SLC2A14: variants seen among roughly 807,000 people sequenced by gnomAD.
SLC2A14 encodes the protein solute carrier family 2 member 14.
A neutral mutation model predicts 43.0 loss-of-function variants in SLC2A14; 13 were observed. The observed-to-expected ratio is 0.30, with a 90% CI of 0.20 to 0.48. SLC2A14 has a LOEUF of 0.48. SLC2A14 is among the 20% of genes least tolerant of loss of function. The pLI is 0.99. For missense variants in SLC2A14, 428 were observed against 620.4 expected (o/e 0.69, Z 3.29); for synonymous variants, 190 against 233.8 (o/e 0.81, Z 1.71).
At chr12:7,831,895 G>T in intron 3 of SLC2A14, 131 bp from the exon 4 acceptor site, 2 of 1,137,042 alleles carry the variant, frequency 1.8e-6, no homozygotes, top group East Asian at 2.5e-5. Flanking sequence ...GATCACCTGA[G>T]GTCAGGAGTT....
At chr12:7,840,419 G>T (rs1028547861) in intron 2 of SLC2A14, among the ~76,000 whole-genome samples, 2 of 151,874 alleles carry the variant, frequency 1.3e-5, no homozygotes, top group African/African-American at 2.4e-5. Context: ...CGCTCTTGTC[G>T]CCTAGTCTGG....
At chr12:7,846,377 C>A (rs1201894266) in intron 2 of SLC2A14, among the ~76,000 whole-genome samples, 4 of 151,728 alleles carry the variant, frequency 2.6e-5, no homozygotes, top group Admixed American at 6.6e-5. Context: ...CAACCCTTCC[C>A]TACATGAAAC....
intron 7 of SLC2A14, among the ~76,000 whole-genome samples, chr12:7,822,761 T>G (rs1027718175): frequency 1.3e-5 from 2 of 152,090 alleles, no homozygotes; most frequent in African/African-American, 4.8e-5. Context: ...AGGCTGGTCC[T>G]AAACTCTTGG....
At chr12:7,816,777 G>A (rs1437556629) in intron 10 of SLC2A14, among the ~76,000 whole-genome samples, 1 of 151,524 alleles carries the variant, frequency 6.6e-6, no homozygotes, top group Non-Finnish European at 1.5e-5. Context: ...GCAAGATCTT[G>A]GCTCACCACG....
At chr12:7,849,773 G>A (rs11056105) in intron 2 of SLC2A14, among the ~76,000 whole-genome samples, 54,333 of 150,664 alleles carry the variant, frequency 0.36, 10,174 homozygotes, top group Admixed American at 0.51. Context: ...TGTGGCGGCG[G>A]GCACCTGTAG....
intron 7 of SLC2A14, among the ~76,000 whole-genome samples, chr12:7,827,003 TTCTCTCTC>T (rs1210811349): frequency 1.4e-5 from 2 of 139,958 alleles, no homozygotes; most frequent in Non-Finnish European, 3.1e-5. Flanking sequence ...TTTCTCTCCT[TTCTCTCTC>T]TCTCTTTCTC....
In SLC2A14 at chr12:7,821,253, C is replaced by G. The variant is rs778907274; in HGVS notation, c.937G>C (p.Gly313Arg). The change falls in exon 8 of 11, where the codon GGT becomes CGT. Residue 313 changes from glycine to arginine, a missense_variant. Around this residue, in one of 4 missense-constraint regions of SLC2A14, gnomAD observed 185 missense variants for 275.4 expected, o/e 0.67. Coordinates refer to ENST00000431042, the MANE Select transcript of SLC2A14 (RefSeq NM_001286234.2). The part of the protein sequence containing the change: ...QQPIYATISA[G>R]VVNTIFTLLS... ...AAAGTGAAGATAGTATTAACCACAC[C>G]CGCGCTGATGGTGGCATAGATGGGC... is the stretch of plus-strand genomic sequence containing the variant. 1 of 1,613,890 alleles carries G rather than the reference C, an allele frequency of 6.2e-7. No homozygotes were observed. The highest frequency in any genetic ancestry group is 1.3e-5 in the African/African-American group (1 of 74,996).
intron 10 of SLC2A14, 84 bp downstream of exon 10, chr12:7,817,747 T>C: frequency 9.5e-7 from 1 of 1,052,400 alleles, no homozygotes; most frequent in Non-Finnish European, 1.3e-6. Context: ...AAAATATATA[T>C]ATATATAGAT....
chr12:7,819,334 T>A, intron 9 of SLC2A14, 148 bp downstream of exon 9: 1 of 1,364,870 alleles, frequency 7.3e-7, no homozygotes, highest in Non-Finnish European at 1.0e-6. Flanking sequence ...TGATGACCCA[T>A]GTTTCTTAAA....
upstream of SLC2A14, chr12:7,873,606 C>G (rs1168326392): frequency 2.0e-5 from 3 of 152,518 alleles, no homozygotes; most frequent in African/African-American, 7.2e-5. Flanking sequence ...CGCCATTGCA[C>G]TCCAGCCTGG....
At chr12:7,878,586 G>C (rs1945504969) in intron 1 of SLC2A14, among the ~76,000 whole-genome samples, 1 of 151,944 alleles carries the variant, frequency 6.6e-6, no homozygotes, top group African/African-American at 2.4e-5. Flanking sequence ...GATGGTTAAA[G>C]TATATACTGT....
rs141868414 is a variant in SLC2A14, at chr12:7,834,886, C to T, written c.19-2072G>A. Among the ~76,000 whole-genome samples, 509 of 152,140 alleles carry T rather than the reference C, an allele frequency of 3.3e-3. 3 individuals are homozygous for T. The highest frequency in any genetic ancestry group is 0.012 in the African/African-American group (480 of 41,502). ...CACCCTGGCCACTAGAGAAGAGTTG[C>T]TCAATATAACTGTTTGTTGATGTGC... On this transcript the variant is annotated intron_variant, in intron 2 of 10. Coordinates refer to ENST00000431042, the MANE Select transcript of SLC2A14 (RefSeq NM_001286234.2).
In SLC2A14 at chr12:7,831,714, A is replaced by G. The variant is rs763682732; in HGVS notation, c.162T>C (p.Pro54=). The change falls in exon 4 of 11, where the codon CCT becomes CCC. Residue 54 remains proline, a synonymous_variant. Coordinates refer to ENST00000431042, the MANE Select transcript of SLC2A14 (RefSeq NM_001286234.2). ...GATTCGTGAGCAGCACCTCAGAGGG[A>G]GGGGCATTTGCCTTGTCCGTCAAAG... ...NKTLTDKANA[P]PSEVLLTNLW... is the part of the protein sequence containing the mutation. The G allele has an allele frequency of 1.9e-6, 3 of 1,614,240 alleles. No homozygotes were observed. In the African/African-American group the frequency reaches 4.0e-5, roughly 22 times the overall value.
Position 7,843,091 on chromosome 12 carries a change from A to G in SLC2A14, c.19-10277T>C, listed in dbSNP as rs1353555268. On this transcript the variant is annotated intron_variant, in intron 2 of 10. Transcript: ENST00000431042. ...TCACCTCATGGAGAATGGGGTATCCATCTCCTCAAGCATTTATGCTTTGAG... is the reference window on the plus strand; with the variant it reads ...TCACCTCATGGAGAATGGGGTATCCGTCTCCTCAAGCATTTATGCTTTGAG... Among the ~76,000 whole-genome samples the G allele has an allele frequency of 3.2e-4, 48 of 152,032 alleles. 1 individual carries two copies.
rs764158934 is a variant in SLC2A14, at chr12:7,831,761, T to C, written c.115A>G (p.Ile39Val). ...AAAGTTTTATTGATAAATTCCTTTA[T>C]GATCTGCAAAATAAAAGGTGGGAGG... Reference protein sequence around the residue: ...TGVINAPETIIKEFINKTLTD... With the variant: ...TGVINAPETIVKEFINKTLTD... Residue 39 changes from isoleucine to valine, a missense_variant, in exon 4 of 11, where the codon ATA (isoleucine) becomes GTA (valine). Ile to Val is a conservative substitution (Grantham distance 29). This residue lies in a region of SLC2A14 where 122 missense variants were observed against 128.8 expected (regional missense o/e 0.95). Coordinates refer to ENST00000431042, the MANE Select transcript of SLC2A14 (RefSeq NM_001286234.2). The C allele has an allele frequency of 1.9e-6, 3 of 1,614,232 alleles. No individual in the cohort carries two copies. The highest frequency in any genetic ancestry group is 2.5e-6 in the Non-Finnish European group (3 of 1,180,044).
chr12:7,847,393 AG>A (rs1196517789), intron 2 of SLC2A14, among the ~76,000 whole-genome samples: 6 of 152,192 alleles, frequency 3.9e-5, no homozygotes, highest in Non-Finnish European at 8.8e-5. Flanking sequence ...GAAGAAAAAA[AG>A]AACTATACAT....
At chr12:7,839,145 C>T (rs1865710021) in intron 2 of SLC2A14, among the ~76,000 whole-genome samples, 1 of 146,454 alleles carries the variant, frequency 6.8e-6, no homozygotes, top group Admixed American at 7.0e-5. Context: ...TAAATATATA[C>T]TGTCAAGTAA....
intron 10 of SLC2A14, among the ~76,000 whole-genome samples, chr12:7,815,365 G>A (rs930464326): frequency 5.3e-5 from 8 of 152,070 alleles, no homozygotes; most frequent in African/African-American, 1.9e-4. Context: ...GCAGTGAGCC[G>A]AGAGTGAGCC....
chr12:7,882,833 C>G (rs1477564966), intron 1 of SLC2A14, among the ~76,000 whole-genome samples: 1 of 151,020 alleles, frequency 6.6e-6, no homozygotes, highest in Non-Finnish European at 1.5e-5. Flanking sequence ...GAGGCTGTCT[C>G]AAAAAAATTT....
Sources: allele counts gnomAD v4.1 joint callset (sites outside exome capture counted in the v4.1 genomes callset), GRCh38; gene constraint gnomAD v4.1.1; regional missense constraint gnomAD v4.1.1; transcripts MANE v1.5; gene names NCBI Gene and HGNC (gene_info 2026-07-23, HGNC 2026-07-21).